The following ABI3BP variants were observed in gnomAD, a reference collection of about 807,000 sequenced individuals.
ABI3BP encodes ABI family member 3 binding protein, also known as target of Nesh-SH3.
In ABI3BP, 216 loss-of-function variants were observed where a neutral mutation model predicts 268.6. The ratio of observed to expected loss-of-function variants is 0.80; its 90% CI spans 0.72 to 0.90. The LOEUF is 0.90. ABI3BP is among the 40% of genes least tolerant of loss of function. The pLI is 0.00. For missense variants in ABI3BP, 2,090 were observed against 2,182.4 expected, an observed-to-expected ratio of 0.96 and a Z score of 0.84; for synonymous variants, 730 against 730.0, an observed-to-expected ratio of 1.00 and a Z score of 0.00.
At chr3:100,864,457 G>T in intron 11 of ABI3BP, 1 of 330,616 alleles carries the variant, frequency 3.0e-6, no homozygotes, top group South Asian at 5.3e-5. Flanking sequence ...GTATGCACAA[G>T]ACTTCCCAAA....
At chr3:100,886,095 A>C (rs1007774232) in intron 5 of ABI3BP, 47 bp downstream of exon 5, 2 of 1,456,020 alleles carry the variant, frequency 1.4e-6, no homozygotes, top group East Asian at 2.4e-5. Flanking sequence ...GGTAACTAAG[A>C]AAAAAATTAT....
At chr3:100,962,496 A>C (rs2079505762) in intron 1 of ABI3BP, among the ~76,000 whole-genome samples, 1 of 152,138 alleles carries the variant, frequency 6.6e-6, no homozygotes, top group Non-Finnish European at 1.5e-5. Flanking sequence ...CTGACCTTAC[A>C]TTCTCTTTCA....
chr3:100,846,324 G>C, intron 20 of ABI3BP, 48 bp downstream of exon 20: 1 of 1,278,288 alleles, frequency 7.8e-7, no homozygotes, highest in Non-Finnish European at 1.1e-6. Flanking sequence ...CAAAGAACTT[G>C]TTTTCAACCC....
At chr3:100,807,524 A>G (rs1384106889) in intron 50 of ABI3BP, among the ~76,000 whole-genome samples, 5 of 151,954 alleles carry the variant, frequency 3.3e-5, no homozygotes, top group Non-Finnish European at 5.9e-5. Context: ...AATTTCCCTC[A>G]ATTGATATTA....
chr3:100,853,105 G>A (rs1350505772), intron 14 of ABI3BP, among the ~76,000 whole-genome samples: 1 of 152,170 alleles, frequency 6.6e-6, no homozygotes, highest in Non-Finnish European at 1.5e-5. Context: ...AAGAAAGATA[G>A]TATCAGACCA....
In ABI3BP at chr3:100,955,226, G is replaced by A. The variant is rs138754693; in HGVS notation, c.80-28745C>T. On this transcript the variant is annotated intron_variant, in intron 1 of 67. Coordinates refer to ENST00000471714, the MANE Select transcript of ABI3BP (RefSeq NM_001375547.2). The stretch of plus-strand genomic sequence containing the variant: ...CAGACTGGATCCAAGAAAAGAACAC[G>A]GTCCTGTCCCTGACAGAGATCCAAG... 6.5e-3 allele frequency among the ~76,000 whole-genome samples: 995 copies of A among 152,030 alleles called. 7 individuals are homozygous for A. Among genetic ancestry groups the A allele is most frequent in the Admixed American group, 0.011 (171 of 15,266 alleles).
intron 6 of ABI3BP, among the ~76,000 whole-genome samples, chr3:100,881,724 A>G (rs1010896748): frequency 6.6e-6 from 1 of 151,980 alleles, no homozygotes; most frequent in Admixed American, 6.6e-5. Context: ...TTCTTCCTCA[A>G]TCATATGGAT....
chr3:100,850,673 T>G lies in ABI3BP; in HGVS notation c.1413A>C (p.Pro471=). Residue 471 remains proline, a synonymous_variant, in exon 16 of 68, where the codon CCA becomes CCC. Transcript: ENST00000471714. ...PPKTSRTLEQ[P]RATLAPSETP... ...TAAAAACATTACCCAGTGTTGCCCT[T>G]GGCTGTTCAAGAGTTCTAGAAGTTT... The G allele has an allele frequency of 6.2e-7, 1 of 1,611,976 alleles. No homozygotes were observed. The highest frequency in any genetic ancestry group is 8.5e-7 in the Non-Finnish European group (1 of 1,178,208).
At chr3:100,858,750 G>A (rs151337970) in intron 14 of ABI3BP, among the ~76,000 whole-genome samples, 37 of 152,218 alleles carry the variant, frequency 2.4e-4, no homozygotes, top group African/African-American at 8.4e-4. Context: ...AATTCCAAAG[G>A]ATGCCAATAT....
intron 1 of ABI3BP, among the ~76,000 whole-genome samples, chr3:100,940,805 T>TA (rs2068718539): frequency 1.7e-5 from 1 of 58,896 alleles, no homozygotes; most frequent in Non-Finnish European, 3.4e-5. Flanking sequence ...TATATATATA[T>TA]ATATATATAT....
intron 58 of ABI3BP, 21 bp from the exon 59 acceptor site, chr3:100,778,397 T>C (rs746264427): frequency 8.8e-6 from 14 of 1,598,096 alleles, no homozygotes; most frequent in African/African-American, 1.3e-5. Flanking sequence ...GGATAAGAGA[T>C]TGTATTTTAG....
chr3:100,874,307 T>C (rs2099139351), intron 9 of ABI3BP, among the ~76,000 whole-genome samples: 2 of 152,218 alleles, frequency 1.3e-5, no homozygotes, highest in South Asian at 4.1e-4. Flanking sequence ...GATACTTAAA[T>C]GCAGCAACCA....
At chr3:100,895,636 G>A (rs751411895) in intron 4 of ABI3BP, among the ~76,000 whole-genome samples, 5 of 152,156 alleles carry the variant, frequency 3.3e-5, no homozygotes, top group Non-Finnish European at 7.3e-5. Context: ...CAAGCCAAGT[G>A]CATTCAGATT....
chr3:100,930,266 G>T (rs2063178821), intron 1 of ABI3BP, among the ~76,000 whole-genome samples: 2 of 151,860 alleles, frequency 1.3e-5, no homozygotes, highest in African/African-American at 4.8e-5. Flanking sequence ...ACGTTTTATT[G>T]CACCGTATAT....
intron 59 of ABI3BP, among the ~76,000 whole-genome samples, chr3:100,777,946 A>T (rs1050444536): frequency 2.6e-5 from 4 of 152,224 alleles, no homozygotes; most frequent in African/African-American, 9.6e-5. Flanking sequence ...ATGACAAGTC[A>T]TCACATCTAT....
intron 1 of ABI3BP, among the ~76,000 whole-genome samples, chr3:100,929,399 C>A (rs2062894850): frequency 6.6e-6 from 1 of 152,152 alleles, no homozygotes; most frequent in South Asian, 2.1e-4. Context: ...GTCTCTCTCC[C>A]TTTTGCTAAC....
In ABI3BP at chr3:100,815,935, G is replaced by GTACTATGAA. The variant is rs2098026733; in HGVS notation, c.3257_3265dup (p.Ser1088_Thr1089insIleHisSer). 1.3e-6 allele frequency: 2 copies of GTACTATGAA among 1,527,380 alleles called. No homozygotes were observed. The highest frequency in any genetic ancestry group is 2.8e-5 in the African/African-American group (2 of 72,622). 94.6% of individuals were successfully genotyped at this position (1,527,380 alleles called of 1,614,324 possible). ...ACCAAATGTTGTTCCTGGAGCATCA[G>GTACTATGAA]TACTATGAACAACAGGTTCAAAGCC... On this transcript the variant is annotated inframe_insertion, in exon 44 of 68. Transcript: ENST00000471714.
At chr3:100,909,819 G>A (rs1383129649) in intron 2 of ABI3BP, among the ~76,000 whole-genome samples, 1 of 152,190 alleles carries the variant, frequency 6.6e-6, no homozygotes, top group Non-Finnish European at 1.5e-5. Flanking sequence ...CACTGTTGGT[G>A]GGAGTGTAAA....
intron 7 of ABI3BP, 41 bp from the exon 8 acceptor site, chr3:100,875,620 A>C (rs1254152311): frequency 1.4e-6 from 2 of 1,416,298 alleles, no homozygotes; most frequent in East Asian, 2.3e-5. Flanking sequence ...GGTGGGAAAT[A>C]GGAGGCAGTA....
Sources: gnomAD v4.1 joint callset for allele counts (sites outside exome capture counted in the v4.1 genomes callset) on GRCh38, gnomAD v4.1.1 for gene constraint, MANE v1.5 for transcripts, NCBI Gene and HGNC (gene_info 2026-07-23, HGNC 2026-07-21) for gene names.